CNTNAP2: variants seen among roughly 807,000 people sequenced by gnomAD.
CNTNAP2 encodes contactin associated protein 2, also known as contactin-associated protein-like 2.
Under a neutral mutation model 155.2 loss-of-function variants are expected in CNTNAP2, and 98 were observed. That is an observed-to-expected ratio of 0.63 (90% confidence interval 0.54 to 0.75). The LOEUF (loss-of-function observed/expected upper bound fraction) is 0.75, where lower values mean the gene tolerates loss of function less well. Among genes scored for constraint, CNTNAP2 ranks in the 30% least tolerant of loss-of-function variants. The probability of loss-of-function intolerance (pLI) is 0.00; values close to 1 mark genes in which losing one functional copy is unlikely to be tolerated. For synonymous variants in CNTNAP2, 651 were observed against 631.2 expected (o/e 1.03, Z -0.47); for missense variants, 1,727 against 1,688.1 (o/e 1.02, Z -0.40).
chr7:147,051,506 AG>A (rs1799473247), intron 4 of CNTNAP2, among the ~76,000 whole-genome samples: 1 of 152,130 alleles, frequency 6.6e-6, no homozygotes, highest in Admixed American at 6.6e-5. Context: ...ATGACAGAGA[AG>A]CAAGCCTCGC....
intron 18 of CNTNAP2, among the ~76,000 whole-genome samples, chr7:148,185,730 C>CTATT (rs1339736079): frequency 1.3e-5 from 2 of 152,182 alleles, no homozygotes; most frequent in African/African-American, 2.4e-5. Flanking sequence ...TTAAATAGGT[C>CTATT]TATTTTAGCC....
At chr7:146,906,606 G>A (rs1392199077) in intron 3 of CNTNAP2, among the ~76,000 whole-genome samples, 18 of 151,978 alleles carry the variant, frequency 1.2e-4, no homozygotes, top group Admixed American at 1.0e-3. Context: ...CTGTTAGAAG[G>A]AAAACTAACA....
chr7:147,483,010 C>G (rs1225377761), intron 10 of CNTNAP2, among the ~76,000 whole-genome samples: 1 of 151,876 alleles, frequency 6.6e-6, no homozygotes. Context: ...GGTGCCACTG[C>G]ACTCCAGCCT....
chr7:146,652,785 T>C (rs1472816599), intron 1 of CNTNAP2, among the ~76,000 whole-genome samples: 1 of 152,098 alleles, frequency 6.6e-6, no homozygotes, highest in Non-Finnish European at 1.5e-5. Flanking sequence ...ATCATTTCAG[T>C]CTATTTTGAT....
intron 9 of CNTNAP2, among the ~76,000 whole-genome samples, chr7:147,376,672 A>T (rs1796439388): frequency 6.6e-6 from 1 of 151,914 alleles, no homozygotes; most frequent in Non-Finnish European, 1.5e-5. Context: ...GTATTTACTC[A>T]GTTCATCCTC....
chr7:147,437,988 A>G (rs1797579748), intron 10 of CNTNAP2, among the ~76,000 whole-genome samples: 1 of 152,128 alleles, frequency 6.6e-6, no homozygotes, highest in African/African-American at 2.4e-5. Context: ...TACATAATTT[A>G]TCAGTTCTAA....
chr7:147,735,776 A>T (rs1055796214), intron 13 of CNTNAP2, among the ~76,000 whole-genome samples: 2 of 152,012 alleles, frequency 1.3e-5, no homozygotes, highest in Non-Finnish European at 2.9e-5. Flanking sequence ...CCATTATGTA[A>T]TGGCCTTCTT....
intron 20 of CNTNAP2, among the ~76,000 whole-genome samples, chr7:148,237,675 A>AAGTC (rs1382229759): frequency 6.6e-6 from 1 of 152,046 alleles, no homozygotes; most frequent in African/African-American, 2.4e-5. Context: ...GAATGCTGTA[A>AAGTC]AGTCAGTAGT....
chr7:147,001,785 T>C (rs1798429021), intron 3 of CNTNAP2, among the ~76,000 whole-genome samples: 1 of 151,150 alleles, frequency 6.6e-6, no homozygotes, highest in Admixed American at 6.6e-5. Flanking sequence ...AAAGAAAAGA[T>C]GTAACACTGA....
chr7:147,937,945 G>C (rs913157530), intron 14 of CNTNAP2, among the ~76,000 whole-genome samples: 1 of 152,102 alleles, frequency 6.6e-6, no homozygotes, highest in Non-Finnish European at 1.5e-5. Context: ...TACTATGCTA[G>C]GTGCCTTCTA....
chr7:148,205,793 C>T (rs1454338470), intron 18 of CNTNAP2, among the ~76,000 whole-genome samples: 1 of 152,140 alleles, frequency 6.6e-6, no homozygotes, highest in Non-Finnish European at 1.5e-5. Context: ...TTCGGCTCAA[C>T]TCAATGAACA....
At chr7:147,476,266 C>G (rs748298365) in intron 10 of CNTNAP2, among the ~76,000 whole-genome samples, 1 of 151,852 alleles carries the variant, frequency 6.6e-6, no homozygotes, top group Admixed American at 6.6e-5. Context: ...CCACCATGCC[C>G]AGCTACTTTT....
chr7:147,591,381 A>G (rs1162820808), intron 12 of CNTNAP2, among the ~76,000 whole-genome samples: 1 of 152,066 alleles, frequency 6.6e-6, no homozygotes, highest in African/African-American at 2.4e-5. Context: ...TCTTCTTGTG[A>G]AGACATCAGT....
intron 14 of CNTNAP2, among the ~76,000 whole-genome samples, chr7:147,953,552 C>A (rs563038668): frequency 6.6e-6 from 1 of 152,102 alleles, no homozygotes; most frequent in Non-Finnish European, 1.5e-5. Context: ...AATATCAATT[C>A]TATTGGTTAT....
At chr7:146,341,954 C>T (rs1794736011) in intron 1 of CNTNAP2, among the ~76,000 whole-genome samples, 1 of 152,000 alleles carries the variant, frequency 6.6e-6, no homozygotes, top group Admixed American at 6.6e-5. Context: ...ATTGAAAATC[C>T]TATATTTGCA....
At chr7:147,853,313 G>A (rs931039966) in intron 13 of CNTNAP2, among the ~76,000 whole-genome samples, 5 of 152,298 alleles carry the variant, frequency 3.3e-5, no homozygotes, top group African/African-American at 1.2e-4. Context: ...CTAATTCAGA[G>A]ACATGGCTAG....
chr7:147,532,202 A>G (rs1238364861), intron 11 of CNTNAP2, among the ~76,000 whole-genome samples: 2 of 152,228 alleles, frequency 1.3e-5, no homozygotes, highest in East Asian at 3.9e-4. Flanking sequence ...ACAGTACCTA[A>G]GTTACCTCTT....
At chr7:148,175,969 C>T (rs1024630073) in intron 18 of CNTNAP2, among the ~76,000 whole-genome samples, 1 of 152,108 alleles carries the variant, frequency 6.6e-6, no homozygotes, top group Non-Finnish European at 1.5e-5. Flanking sequence ...TCCATACCTA[C>T]TTTCCCTCTC....
rs866643465 is a variant in CNTNAP2, at chr7:146,997,318, A to T, written c.403-46589A>T. On this transcript the variant is annotated intron_variant, in intron 3 of 23. Coordinates refer to ENST00000361727, the MANE Select transcript of CNTNAP2 (RefSeq NM_014141.6). ...TTGTAAAAAGGTTTCTTCTGCATCTATTGAAGTGATCATATTATTTTTGTT... is the reference window on the plus strand; with the variant it reads ...TTGTAAAAAGGTTTCTTCTGCATCTTTTGAAGTGATCATATTATTTTTGTT... Among the ~76,000 whole-genome samples, 3 of 152,156 alleles carry T rather than the reference A, an allele frequency of 2.0e-5. No individual in the cohort carries two copies. In the South Asian group the frequency reaches 6.2e-4, roughly 31 times the overall value.
Sources: gnomAD v4.1 joint callset for allele counts (sites outside exome capture counted in the v4.1 genomes callset) on GRCh38, gnomAD v4.1.1 for gene constraint, MANE v1.5 for transcripts, NCBI Gene and HGNC (gene_info 2026-07-23, HGNC 2026-07-21) for gene names.